SLC36A1: variants seen among roughly 807,000 people sequenced by gnomAD.
The protein encoded by SLC36A1 is solute carrier family 36 member 1, also known as proton-coupled amino acid transporter 1.
A neutral mutation model predicts 47.5 loss-of-function variants in SLC36A1; 30 were observed. The observed-to-expected ratio is 0.63, with a 90% confidence interval of 0.47 to 0.86. The LOEUF is 0.86. Among genes scored for constraint, SLC36A1 ranks in the 40% least tolerant of loss-of-function variants. SLC36A1 has a pLI of 0.00. For synonymous variants in SLC36A1, 255 were observed against 249.7 expected (o/e 1.02, Z -0.20); for missense variants, 517 against 606.0 (o/e 0.85, Z 1.54).
the SLC36A1 span, chr5:151,517,546 T>C: frequency 6.4e-7 from 1 of 1,571,148 alleles, no homozygotes. Context: ...CTTCCTGACA[T>C]TCCTCATGCC....
intron 10 of SLC36A1, among the ~76,000 whole-genome samples, chr5:151,487,517 G>A (rs1250229563): frequency 1.3e-5 from 2 of 152,202 alleles, no homozygotes. Context: ...CTTTCCAGAA[G>A]GCGGGGTTTC....
chr5:151,481,811 G>C (rs1012165629), intron 10 of SLC36A1, among the ~76,000 whole-genome samples: 1 of 152,078 alleles, frequency 6.6e-6, no homozygotes, highest in East Asian at 1.9e-4. Flanking sequence ...ATTTCATATC[G>C]GACAGTATCT....
At chr5:151,382,469 G>A in the SLC36A1 span, 1 of 558,440 alleles carries the variant, frequency 1.8e-6, no homozygotes, top group Non-Finnish European at 3.2e-6. Flanking sequence ...AGGAATCAAA[G>A]ATGGGGTTAA....
chr5:151,486,011 T>C (rs1195450569), intron 10 of SLC36A1, among the ~76,000 whole-genome samples: 2 of 152,160 alleles, frequency 1.3e-5, no homozygotes, highest in Admixed American at 1.3e-4. Flanking sequence ...CTTTCCCTGG[T>C]GTGTTAGTCC....
At chr5:151,406,807 G>A in the SLC36A1 span, among the ~76,000 whole-genome samples, 1 of 152,158 alleles carries the variant, frequency 6.6e-6, no homozygotes, top group Non-Finnish European at 1.5e-5. Flanking sequence ...GTCCGGAATT[G>A]GTTCCTTCTG....
At chr5:151,543,306 C>T in the SLC36A1 span, 1 of 1,614,230 alleles carries the variant, frequency 6.2e-7, no homozygotes, top group Non-Finnish European at 8.5e-7. Context: ...CATAGGCCAA[C>T]ACCTGGATAA....
chr5:151,405,834 ACT>A, the SLC36A1 span, among the ~76,000 whole-genome samples: 1 of 151,350 alleles, frequency 6.6e-6, no homozygotes, highest in Non-Finnish European at 1.5e-5. Flanking sequence ...GAGGGCCAAG[ACT>A]CTGTTTGGCT....
chr5:151,546,786 A>C, the SLC36A1 span, among the ~76,000 whole-genome samples: 1 of 151,848 alleles, frequency 6.6e-6, no homozygotes, highest in African/African-American at 2.4e-5. Flanking sequence ...TGATGTGAGC[A>C]TGGCTCACTG....
chr5:151,401,075 A>C, the SLC36A1 span, among the ~76,000 whole-genome samples: 1 of 152,146 alleles, frequency 6.6e-6, no homozygotes, highest in Non-Finnish European at 1.5e-5. Context: ...TTGAGGGCTT[A>C]GTCATAAATT....
At chr5:151,497,640 G>A in the SLC36A1 span, among the ~76,000 whole-genome samples, 2 of 152,160 alleles carry the variant, frequency 1.3e-5, no homozygotes, top group Non-Finnish European at 2.9e-5. Flanking sequence ...GCTACAGAAA[G>A]GCTGCGTGGG....
intron 9 of SLC36A1, 28 bp downstream of exon 9, chr5:151,476,784 G>T: frequency 6.2e-7 from 1 of 1,610,658 alleles, no homozygotes; most frequent in South Asian, 1.1e-5. Context: ...GGAAACCTAG[G>T]AGCACTGGAT....
chr5:151,370,721 G>A, the SLC36A1 span, among the ~76,000 whole-genome samples: 3 of 152,090 alleles, frequency 2.0e-5, no homozygotes, highest in South Asian at 4.1e-4. Flanking sequence ...GGCTGGGCGC[G>A]GCAGCTCACG....
At chr5:151,458,681 A>C in intron 1 of SLC36A1, 107 bp from the exon 2 acceptor site, 1 of 1,239,056 alleles carries the variant, frequency 8.1e-7, no homozygotes, top group Non-Finnish European at 1.1e-6. Flanking sequence ...TGGAGCTGTC[A>C]CAGTGAGCAA....
chr5:151,431,615 G>A, the SLC36A1 span, among the ~76,000 whole-genome samples: 29 of 152,160 alleles, frequency 1.9e-4, no homozygotes, highest in African/African-American at 6.5e-4. Context: ...TGCTATTCAC[G>A]TGATAGTGAA....
the SLC36A1 span, chr5:151,546,002 AATATGAGTTC>A: frequency 6.2e-7 from 1 of 1,614,208 alleles, no homozygotes; most frequent in Non-Finnish European, 8.5e-7. Context: ...ATAAGGCCAG[AATATGAGTTC>A]ATAGAGAAGA....
At chr5:151,554,751 T>G in the SLC36A1 span, 143 of 1,120,390 alleles carry the variant, frequency 1.3e-4, no homozygotes, top group African/African-American at 2.2e-3. Context: ...CTGGAAATAG[T>G]AGTCACTTTG....
the SLC36A1 span, chr5:151,527,124 G>C: frequency 1.7e-6 from 2 of 1,154,992 alleles, no homozygotes; most frequent in Non-Finnish European, 2.5e-6. Flanking sequence ...GACATCAGTG[G>C]CAAAGTCACA....
At chr5:151,544,990 C>T in the SLC36A1 span, 15 of 1,614,048 alleles carry the variant, frequency 9.3e-6, no homozygotes, top group South Asian at 7.7e-5. Flanking sequence ...CTGAGGTGTC[C>T]GATTGTCCCT....
chr5:151,524,021 C>T, the SLC36A1 span, among the ~76,000 whole-genome samples: 4 of 152,114 alleles, frequency 2.6e-5, no homozygotes, highest in African/African-American at 7.2e-5. Flanking sequence ...GAAATCTCTC[C>T]GCTTCCTGCA....
Sources: allele counts gnomAD v4.1 joint callset (sites outside exome capture counted in the v4.1 genomes callset), GRCh38; gene constraint gnomAD v4.1.1; transcripts MANE v1.5; gene names NCBI Gene and HGNC (gene_info 2026-07-23, HGNC 2026-07-21).